DGKK: variants seen among roughly 807,000 people sequenced by gnomAD.
DGKK encodes diacylglycerol kinase kappa, also known as 142 kDa diacylglycerol kinase.
DGKK carries 35 observed loss-of-function variants against 92.2 expected under a neutral mutation model. The observed-to-expected ratio is 0.38, with a 90% CI of 0.29 to 0.50. The LOEUF (loss-of-function observed/expected upper bound fraction) is 0.50, where lower values mean the gene tolerates loss of function less well. Ranked by LOEUF, DGKK falls within the 20% of genes least tolerant of loss-of-function variation. The pLI, the probability that DGKK is intolerant of heterozygous loss-of-function variation, is 0.92. For synonymous variants in DGKK, 368 were observed against 360.6 expected, an observed-to-expected ratio of 1.02 and a Z score of -0.23; for missense variants, 910 against 992.2, an observed-to-expected ratio of 0.92 and a Z score of 1.11.
chrX:50,393,720 G>T (rs1924762402), intron 8 of DGKK, among the ~76,000 whole-genome samples: 1 of 111,904 alleles, frequency 8.9e-6, no homozygotes, highest in South Asian at 3.8e-4. Flanking sequence ...AGGAAGGAGA[G>T]GATTGAGAAC....
chrX:50,431,066 C>T (rs1557230235), intron 1 of DGKK, among the ~76,000 whole-genome samples: 1 of 110,301 alleles, frequency 9.1e-6, no homozygotes, highest in Non-Finnish European at 1.9e-5. Context: ...GGGTCTTGTT[C>T]TGTCACCCAG....
At chrX:50,388,732 C>A (rs782780241) in intron 12 of DGKK, 114 bp from the exon 13 acceptor site, 4 of 465,592 alleles carry the variant, frequency 8.6e-6, no homozygotes, top group Non-Finnish European at 1.4e-5. Context: ...CGCAACTCAA[C>A]TGCCTCTCTG....
intron 1 of DGKK, among the ~76,000 whole-genome samples, chrX:50,449,715 T>C (rs1010893217): frequency 9.0e-6 from 1 of 110,842 alleles, no homozygotes; most frequent in Admixed American, 9.6e-5. Flanking sequence ...GCATGGGGTA[T>C]AGAGGGCCCC....
intron 7 of DGKK, among the ~76,000 whole-genome samples, chrX:50,401,751 A>G (rs922433319): frequency 2.5e-4 from 26 of 103,625 alleles, no homozygotes; most frequent in Non-Finnish European, 4.6e-4. Context: ...AAAGCAATTG[A>G]AAAAAAAAAA....
At chrX:50,459,812 T>A (rs1467025405) in intron 1 of DGKK, among the ~76,000 whole-genome samples, 1 of 111,380 alleles carries the variant, frequency 9.0e-6, no homozygotes, top group African/African-American at 3.3e-5. Flanking sequence ...GGAGGGAAAT[T>A]GTCACAGTAA....
intron 1 of DGKK, among the ~76,000 whole-genome samples, chrX:50,438,914 C>A (rs1158159414): frequency 9.0e-6 from 1 of 111,409 alleles, no homozygotes; most frequent in Non-Finnish European, 1.9e-5. Flanking sequence ...CGGGGATAGA[C>A]CCTGGGCCCA....
At chrX:50,373,607 T>A (rs1383787649) in intron 25 of DGKK, among the ~76,000 whole-genome samples, 1 of 112,571 alleles carries the variant, frequency 8.9e-6, no homozygotes, top group Admixed American at 9.4e-5. Flanking sequence ...GGGGCTCAGA[T>A]GTTGGGACAG....
intron 8 of DGKK, among the ~76,000 whole-genome samples, chrX:50,395,745 C>T (rs955330953): frequency 3.8e-5 from 4 of 104,641 alleles, no homozygotes; most frequent in African/African-American, 7.2e-5. Context: ...AAGAAATATA[C>T]AGATTAAAAC....
chrX:50,398,706 G>A lies in DGKK; in HGVS notation c.1411+2331C>T, dbSNP rs190894945. Among the ~76,000 whole-genome samples, 646 of 112,036 alleles carry A rather than the reference G, an allele frequency of 5.8e-3. 9 individuals carry two copies. The highest frequency in any genetic ancestry group is 0.02 in the African/African-American group (630 of 30,880). ...AAAAACACCAACACAAGGACAGGAA[G>A]CACAGAACATGTTTGGCCCAGTTAC... On this transcript the variant is annotated intron_variant, in intron 8 of 27. Coordinates refer to ENST00000611977, the MANE Select transcript of DGKK (RefSeq NM_001013742.4).
In DGKK at chrX:50,429,387, G is replaced by A. The variant is rs1283769540; in HGVS notation, c.646-5029C>T. Reference sequence around the variant, plus strand: ...ATTCTGAATGACAAGATCATAGATTGCTAAGAATTAAAATGTATTCTCGGC... The same window carrying A: ...ATTCTGAATGACAAGATCATAGATTACTAAGAATTAAAATGTATTCTCGGC... On this transcript the variant is annotated intron_variant, in intron 1 of 27. Coordinates refer to ENST00000611977, the MANE Select transcript of DGKK (RefSeq NM_001013742.4). Among the ~76,000 whole-genome samples, 4 of 112,208 alleles carry A rather than the reference G, an allele frequency of 3.6e-5. No individual in the cohort carries two copies. In the East Asian group the frequency reaches 1.1e-3, roughly 31 times the overall value.
intron 12 of DGKK, among the ~76,000 whole-genome samples, chrX:50,389,708 T>A (rs1924635658): frequency 9.0e-6 from 1 of 111,565 alleles, no homozygotes; most frequent in Non-Finnish European, 1.9e-5. Flanking sequence ...CTTTAGTCAC[T>A]CTCCCTGAAT....
intron 7 of DGKK, among the ~76,000 whole-genome samples, chrX:50,402,517 G>T (rs1350411330): frequency 1.8e-5 from 2 of 111,870 alleles, no homozygotes; most frequent in Non-Finnish European, 3.8e-5. Flanking sequence ...TTGGACAAAT[G>T]AAATTGGTCC....
At chrX:50,417,306 A>G (rs1390655699) in intron 4 of DGKK, among the ~76,000 whole-genome samples, 1 of 110,429 alleles carries the variant, frequency 9.1e-6, no homozygotes, top group Non-Finnish European at 1.9e-5. Context: ...TCCAAGATTT[A>G]GAGCTTTAGG....
intron 14 of DGKK, among the ~76,000 whole-genome samples, chrX:50,387,337 A>G (rs1156243812): frequency 9.0e-6 from 1 of 111,461 alleles, no homozygotes; most frequent in Non-Finnish European, 1.9e-5. Flanking sequence ...GATGCTTGGC[A>G]TGTACATGGT....
chrX:50,387,595 T>A lies in DGKK; in HGVS notation c.2077A>T (p.Ile693Leu). Reference sequence around the variant, plus strand: ...ACTATTGCAGTGTTGTTCTGTTTTATCTGACCCCAGGCCTTTACAATATCA... The same window carrying A: ...ACTATTGCAGTGTTGTTCTGTTTTAACTGACCCCAGGCCTTTACAATATCA... ...VVDIVKAWGQIKQNNTAIVSV... is the reference protein window; with the variant it reads ...VVDIVKAWGQLKQNNTAIVSV... The change falls in exon 14 of 28, where the codon ATA becomes TTA. Residue 693 changes from isoleucine (I) to leucine (L), a missense_variant. Physicochemically the swap from Ile to Leu is conservative, Grantham distance 5 (BLOSUM62 2). Transcript: ENST00000611977. 8.3e-7 allele frequency: 1 copy of A among 1,209,729 alleles called. No homozygotes were observed. The highest frequency in any genetic ancestry group is 1.1e-6 in the Non-Finnish European group (1 of 893,889).
intron 4 of DGKK, among the ~76,000 whole-genome samples, chrX:50,414,699 A>G (rs1260293917): frequency 8.9e-6 from 1 of 111,858 alleles, no homozygotes; most frequent in African/African-American, 3.2e-5. Flanking sequence ...CAGTCTGTCC[A>G]CATTACAAAA....
chrX:50,380,111 T>C, intron 18 of DGKK, 34 bp from the exon 19 acceptor site: 1 of 1,064,320 alleles, frequency 9.4e-7, no homozygotes, highest in Non-Finnish European at 1.3e-6. Context: ...AAGCAGAGGG[T>C]GAATGATATA....
chrX:50,435,885 A>T (rs1557230718), intron 1 of DGKK, among the ~76,000 whole-genome samples: 1 of 111,623 alleles, frequency 9.0e-6, no homozygotes, highest in Non-Finnish European at 1.9e-5. Flanking sequence ...TTGGGAGTAG[A>T]ATGGGTGATG....
In DGKK at chrX:50,387,596, C is replaced by T. The variant is rs781956496; in HGVS notation, c.2076G>A (p.Gln692=). ...CTATTGCAGTGTTGTTCTGTTTTAT[C>T]TGACCCCAGGCCTTTACAATATCAA... The part of the protein sequence containing the change: ...FVVDIVKAWG[Q]IKQNNTAIVS... Residue 692 remains glutamine (Q), a synonymous_variant, in exon 14 of 28, where the codon CAG becomes CAA. Transcript: ENST00000611977. 8.3e-7 allele frequency: 1 copy of T among 1,209,516 alleles called. No homozygotes were observed. Among genetic ancestry groups the T allele is most frequent in the East Asian group, 3.0e-5 (1 of 33,818 alleles).
Sources: gnomAD v4.1 joint callset for allele counts (sites outside exome capture counted in the v4.1 genomes callset) on GRCh38, gnomAD v4.1.1 for gene constraint, MANE v1.5 for transcripts, NCBI Gene and HGNC (gene_info 2026-07-23, HGNC 2026-07-21) for gene names.